IFT27: variants seen among roughly 807,000 people sequenced by gnomAD.
The protein encoded by IFT27 is intraflagellar transport protein 27 homolog.
In IFT27, 19 loss-of-function variants were observed where a neutral mutation model predicts 23.9. That is an observed-to-expected ratio of 0.79 (90% CI 0.55 to 1.16). The LOEUF (loss-of-function observed/expected upper bound fraction) is 1.16. IFT27 is among the 50% of genes most tolerant of loss of function. The probability of loss-of-function intolerance (pLI) is 0.00; values close to 1 mark genes in which losing one functional copy is unlikely to be tolerated. For synonymous variants in IFT27, 91 were observed against 89.1 expected, an observed-to-expected ratio of 1.02 and a Z score of -0.12; for missense variants, 206 against 228.7, an observed-to-expected ratio of 0.90 and a Z score of 0.64.
At position 36,766,214 on chromosome 22, in the gene IFT27, A is replaced by G. The variant is rs1236284269; in HGVS notation, c.175-17T>C. The G allele has an allele frequency of 6.2e-7, 1 of 1,612,800 alleles. No homozygotes were observed. Among genetic ancestry groups the G allele is most frequent in the Non-Finnish European group, 8.5e-7 (1 of 1,178,986 alleles). ...GAAGAGTTCCTACAATCAGAAAAGC[A>G]AGAAAAGTCTCCACGTGGAAAAACC... On this transcript the variant is annotated splice_polypyrimidine_tract_variant and intron_variant, in intron 3 of 6. Coordinates refer to ENST00000433985, the MANE Select transcript of IFT27 (RefSeq NM_001177701.3).
At chr22:36,765,866 CA>C (rs563085813) in intron 4 of IFT27, among the ~76,000 whole-genome samples, 26 of 152,296 alleles carry the variant, frequency 1.7e-4, no homozygotes, top group South Asian at 8.3e-4. Flanking sequence ...GGAGGCCTCA[CA>C]GGGGGAGGGC....
intron 4 of IFT27, 83 bp downstream of exon 4, chr22:36,766,055 G>T: frequency 9.1e-7 from 1 of 1,097,036 alleles, no homozygotes; most frequent in Non-Finnish European, 1.4e-6. Context: ...ACAGTGCAGG[G>T]AAACTGCTGT....
intron 6 of IFT27, chr22:36,761,099 T>G (rs1238074636): frequency 2.0e-5 from 3 of 153,102 alleles, no homozygotes; most frequent in Non-Finnish European, 2.9e-5. Flanking sequence ...TAATAGCAAG[T>G]GCTTACTGCA....
intron 1 of IFT27, chr22:36,772,448 A>G (rs1938404998): frequency 1.1e-6 from 1 of 937,008 alleles, no homozygotes; most frequent in Admixed American, 6.2e-5. Context: ...AGTGCCTGGC[A>G]TATATAAGTA....
At chr22:36,770,981 C>T (rs1938373876) in intron 1 of IFT27, among the ~76,000 whole-genome samples, 1 of 152,224 alleles carries the variant, frequency 6.6e-6, no homozygotes, top group South Asian at 2.1e-4. Context: ...GCCTGCTTCT[C>T]CTTTTTCTTA....
chr22:36,772,502 G>A (rs1938406717), intron 1 of IFT27: 2 of 985,172 alleles, frequency 2.0e-6, no homozygotes, highest in Admixed American at 6.1e-5. Context: ...ACAGATCAAT[G>A]TCAAATGTTG....
At chr22:36,769,927 C>A (rs1039217379) in intron 1 of IFT27, among the ~76,000 whole-genome samples, 1 of 152,222 alleles carries the variant, frequency 6.6e-6, no homozygotes, top group African/African-American at 2.4e-5. Flanking sequence ...CCAACACTTA[C>A]AGGAAACCGC....
chr22:36,760,506 C>G (rs1198126916), intron 6 of IFT27: 1 of 152,202 alleles, frequency 6.6e-6, no homozygotes, highest in Non-Finnish European at 1.5e-5. Flanking sequence ...TGGAGTAGGT[C>G]GGCTTAGAGG....
In IFT27 at chr22:36,771,193, C is replaced by T. The variant is rs924585535; in HGVS notation, c.35-3331G>A. 2.0e-5 allele frequency among the ~76,000 whole-genome samples: 3 copies of T among 152,286 alleles called. No individual in the cohort carries two copies. In the East Asian group the frequency reaches 5.8e-4, roughly 29 times the overall value. ...TCCTCCCTGCTTCTGGGCTGAGAGC[C>T]CCACATGCTTCCCTCTGCTTCCCCA... On this transcript the variant is annotated intron_variant, in intron 1 of 6. Transcript: ENST00000433985.
chr22:36,775,739 A>C lies in IFT27; in HGVS notation c.-32T>G, dbSNP rs1208256444. 2 of 1,613,716 alleles carry C rather than the reference A, an allele frequency of 1.2e-6. No homozygotes were observed. Among genetic ancestry groups the C allele is most frequent in the Non-Finnish European group, 1.7e-6 (2 of 1,179,776 alleles). On this transcript the variant is annotated 5_prime_UTR_variant, in exon 1 of 7. Transcript: ENST00000433985. ...CAACACTCCCGCGAGCCGTACCCAG[A>C]GGACAAGAGCGGCTGCTAGAGACGC... is the stretch of plus-strand genomic sequence containing the variant.
intron 3 of IFT27, 81 bp downstream of exon 3, chr22:36,767,225 C>T (rs1938273172): frequency 9.8e-6 from 11 of 1,126,514 alleles, no homozygotes; most frequent in African/African-American, 1.5e-5. Flanking sequence ...TGCATCTCTC[C>T]TAGGGAGGAT....
chr22:36,770,806 T>C (rs1382376542), intron 1 of IFT27, among the ~76,000 whole-genome samples: 1 of 152,134 alleles, frequency 6.6e-6, no homozygotes, highest in Non-Finnish European at 1.5e-5. Flanking sequence ...GCCTCACTGC[T>C]GGGTTTCTAT....
At chr22:36,773,936 G>A (rs1016939278) in intron 1 of IFT27, among the ~76,000 whole-genome samples, 3 of 152,112 alleles carry the variant, frequency 2.0e-5, no homozygotes, top group East Asian at 3.8e-4. Flanking sequence ...CACCCAAAGC[G>A]CCAGTAAGTT....
chr22:36,772,781 G>A, intron 1 of IFT27: 2 of 984,934 alleles, frequency 2.0e-6, no homozygotes, highest in Non-Finnish European at 2.4e-6. Context: ...AGTTATGTGA[G>A]AGAAAAAACA....
Position 36,763,993 on chromosome 22 carries a change from T to C in IFT27, c.278A>G (p.Asn93Ser), listed in dbSNP as rs775216915. 6.8e-6 allele frequency: 11 copies of C among 1,614,104 alleles called. No individual in the cohort carries two copies. Among genetic ancestry groups the C allele is most frequent in the South Asian group, 2.2e-5 (2 of 91,090 alleles). ...NVLCLVYDVT[N>S]EESFNNCSKW... is the part of the protein sequence containing the mutation. ...GCTGCAGTTGTTGAAGGATTCTTCA[T>C]TGGTCACATCATAGACGAGACATAA... The change falls in exon 5 of 7, where the codon AAT becomes AGT. Residue 93 changes from asparagine to serine, a missense_variant. Physicochemically the swap from Asn to Ser is conservative, Grantham distance 46. Coordinates refer to ENST00000433985, the MANE Select transcript of IFT27 (RefSeq NM_001177701.3).
intron 3 of IFT27, 71 bp from the exon 4 acceptor site, chr22:36,766,268 C>A: frequency 7.9e-7 from 1 of 1,268,320 alleles, no homozygotes; most frequent in South Asian, 1.2e-5. Context: ...GTATCACTCT[C>A]AACTCACACT....
intron 1 of IFT27, among the ~76,000 whole-genome samples, chr22:36,770,449 T>C (rs1938363660): frequency 6.6e-6 from 1 of 152,158 alleles, no homozygotes; most frequent in East Asian, 1.9e-4. Context: ...TCCCACTGAC[T>C]CTCATCACCT....
At position 36,775,944 on chromosome 22, in the gene IFT27, G is replaced by C; in HGVS notation, c.-237C>G. ...CAGGGGAGGGCTCCAGGTGGGCCCG[G>C]CTCGAGGCCTGACACGGCAGTCTGA... On this transcript the variant is annotated 5_prime_UTR_variant, in exon 1 of 7. Transcript: ENST00000433985. 1 of 593,940 alleles carries C rather than the reference G, an allele frequency of 1.7e-6. No homozygotes were observed. The highest frequency in any genetic ancestry group is 3.0e-6 in the Non-Finnish European group (1 of 333,332). The allele number at this position is 593,940 out of a possible 1,614,324, so 36.8% of individuals were successfully genotyped here. A position where few individuals can be genotyped will look rare whatever the true frequency, so the allele number is the denominator to read the frequency against.
At chr22:36,763,806 A>G (rs1938163073) in intron 5 of IFT27, 113 bp downstream of exon 5, 1 of 809,550 alleles carries the variant, frequency 1.2e-6, no homozygotes, top group African/African-American at 1.7e-5. Flanking sequence ...TAGGCCATCA[A>G]AGTCCAAGCC....
Sources: gnomAD v4.1 joint callset for allele counts (sites outside exome capture counted in the v4.1 genomes callset) on GRCh38, gnomAD v4.1.1 for gene constraint, MANE v1.5 for transcripts, NCBI Gene and HGNC (gene_info 2026-07-23, HGNC 2026-07-21) for gene names.